OR2M3: variants seen among roughly 807,000 people sequenced by gnomAD.
OR2M3 encodes olfactory receptor family 2 subfamily M member 3, also known as olfactory receptor 2M3.
In OR2M3, 1 loss-of-function variant was observed where a neutral mutation model predicts 4.3. That is an observed-to-expected ratio of 0.23 (90% confidence interval 0.08 to 1.11). OR2M3 has a LOEUF of 1.11. Ranked by LOEUF, OR2M3 falls within the 50% of genes most tolerant of loss-of-function variation. OR2M3 has a pLI of 0.54. For missense variants in OR2M3, 410 were observed against 390.4 expected, an observed-to-expected ratio of 1.05 and a Z score of -0.42; for synonymous variants, 151 against 139.4, an observed-to-expected ratio of 1.08 and a Z score of -0.59.
At chr1:248,198,814 C>T (rs1666125854) in intron 1 of OR2M3, among the ~76,000 whole-genome samples, 2 of 152,058 alleles carry the variant, frequency 1.3e-5, no homozygotes, top group African/African-American at 4.8e-5. Context: ...TGAAATATGA[C>T]CATGAATTTC....
In OR2M3 at chr1:248,208,842, T is replaced by C. The variant is rs1666250745; in HGVS notation, c.*4836T>C. On this transcript the variant is annotated 3_prime_UTR_variant, in exon 2 of 2. Coordinates refer to ENST00000641626, the MANE Select transcript of OR2M3 (RefSeq NM_001004689.2). ...TTTGTCATGAATTTCCCAGGTGTTC[T>C]TTGAGCTTCTTGAGTTTGGATGTTT... The C allele has an allele frequency of 6.6e-6, 1 of 152,206 alleles. No individual in the cohort carries two copies. The highest frequency in any genetic ancestry group is 1.5e-5 in the Non-Finnish European group (1 of 68,038). The allele number at this position is 152,206 out of a possible 1,614,324, so 9.4% of individuals were successfully genotyped here.
rs372954267 is a variant in OR2M3, at chr1:248,203,447, G to A, written c.380G>A (p.Cys127Tyr). The change falls in exon 2 of 2, where the codon TGC (cysteine) becomes TAC (tyrosine). Residue 127 changes from cysteine (C) to tyrosine (Y), a missense_variant. Coordinates refer to ENST00000641626, the MANE Select transcript of OR2M3 (RefSeq NM_001004689.2). ...VMAYDRYTAICHPLRYTNLMS... is the reference protein window; with the variant it reads ...VMAYDRYTAIYHPLRYTNLMS... ...GCTTATGACCGCTACACTGCCATTT[G>A]CCACCCTCTAAGATACACCAATCTC... The A allele has an allele frequency of 6.2e-7, 1 of 1,613,928 alleles. No individual in the cohort carries two copies. The highest frequency in any genetic ancestry group is 8.5e-7 in the Non-Finnish European group (1 of 1,179,954).
chr1:248,202,993 T>G, intron 1 of OR2M3, 57 bp from the exon 2 acceptor site: 2 of 1,452,036 alleles, frequency 1.4e-6, no homozygotes, highest in Non-Finnish European at 1.9e-6. Context: ...AATCACATGA[T>G]TTATAAGGCA....
intron 1 of OR2M3, among the ~76,000 whole-genome samples, chr1:248,201,277 C>T (rs899050850): frequency 1.3e-5 from 2 of 151,790 alleles, no homozygotes; most frequent in Admixed American, 6.6e-5. Context: ...TTTGGATAAC[C>T]CTTTCCTGTG....
chr1:248,201,016 C>G (rs928397415), intron 1 of OR2M3, among the ~76,000 whole-genome samples: 3 of 152,040 alleles, frequency 2.0e-5, no homozygotes, highest in African/African-American at 7.2e-5. Context: ...ACATTTCTGT[C>G]TAATAAGTCT....
rs1001119110 is a variant in OR2M3, at chr1:248,205,109, A to G, written c.*1103A>G. The stretch of plus-strand genomic sequence containing the variant: ...ATCTCCTTTTGAGAATTGTCTATTC[A>G]TGTCCTAGGCCCACTTTTTGATGGG... On this transcript the variant is annotated 3_prime_UTR_variant, in exon 2 of 2. Transcript: ENST00000641626. The G allele has an allele frequency of 6.6e-6, 1 of 151,964 alleles. No homozygotes were observed. Among genetic ancestry groups the G allele is most frequent in the East Asian group, 1.9e-4 (1 of 5,190 alleles). 9.4% of individuals were successfully genotyped at this position (151,964 alleles called of 1,614,324 possible). A position where few individuals can be genotyped will look rare whatever the true frequency, so the allele number is the denominator to read the frequency against.
chr1:248,202,281 TCC>T (rs1057446411), intron 1 of OR2M3, among the ~76,000 whole-genome samples: 40 of 103,218 alleles, frequency 3.9e-4, no homozygotes, highest in African/African-American at 1.2e-3. Flanking sequence ...CACACGGTAA[TCC>T]CCAGTGTCTC....
rs748338781 is a variant in OR2M3 at position 248,204,045 on chromosome 1, C to T, written c.*39C>T. The T allele has an allele frequency of 6.2e-7, 1 of 1,602,584 alleles. No individual in the cohort carries two copies. ...CTTCATGTTTTGCTGTGTGCTAAAT[C>T]CTTTTTTTAAATGGTCCTATTTTTC... is the stretch of plus-strand genomic sequence containing the variant. On this transcript the variant is annotated 3_prime_UTR_variant, in exon 2 of 2. Coordinates refer to ENST00000641626, the MANE Select transcript of OR2M3 (RefSeq NM_001004689.2).
At position 248,208,547 on chromosome 1, in the gene OR2M3, T is replaced by G. The variant is rs1417822362; in HGVS notation, c.*4541T>G. The stretch of plus-strand genomic sequence containing the variant: ...TGAATTCTCTCAGCATTTGTTTGTC[T>G]GAAAAAGATGGTGCCTTTCCTTCAT... On this transcript the variant is annotated 3_prime_UTR_variant, in exon 2 of 2. Transcript: ENST00000641626. 1 of 152,190 alleles carries G rather than the reference T, an allele frequency of 6.6e-6. No individual in the cohort carries two copies. The highest frequency in any genetic ancestry group is 2.4e-5 in the African/African-American group (1 of 41,458). The allele number at this position is 152,190 out of a possible 1,614,324, so 9.4% of individuals were successfully genotyped here. A position where few individuals can be genotyped will look rare whatever the true frequency, so the allele number is the denominator to read the frequency against.
At position 248,209,203 on chromosome 1, in the gene OR2M3, A is replaced by G. The variant is rs1197724987; in HGVS notation, c.*5197A>G. ...TTTATTTATGCTGTTTATTTCACTG[A>G]AGAATTTTTCTTTTATTTTCTGTAT... On this transcript the variant is annotated 3_prime_UTR_variant, in exon 2 of 2. Coordinates refer to ENST00000641626, the MANE Select transcript of OR2M3 (RefSeq NM_001004689.2). 6.6e-6 allele frequency: 1 copy of G among 152,068 alleles called. No homozygotes were observed. The highest frequency in any genetic ancestry group is 2.4e-5 in the African/African-American group (1 of 41,400). 9.4% of individuals were successfully genotyped at this position (152,068 alleles called of 1,614,324 possible). A position where few individuals can be genotyped will look rare whatever the true frequency, so the allele number is the denominator to read the frequency against.
rs191037769 is a variant in OR2M3, at chr1:248,211,447, C to T, written c.*7441C>T. On this transcript the variant is annotated 3_prime_UTR_variant, in exon 2 of 2. Transcript: ENST00000641626. Reference sequence around the variant, plus strand: ...TACTTAAACATTTTATTAATAATTACAGGACTTATATTGAAATTTAGAATA... The same window carrying T: ...TACTTAAACATTTTATTAATAATTATAGGACTTATATTGAAATTTAGAATA... 36 of 151,970 alleles carry T rather than the reference C, an allele frequency of 2.4e-4. No homozygotes were observed. The highest frequency in any genetic ancestry group is 8.4e-4 in the African/African-American group (35 of 41,422). 9.4% of individuals were successfully genotyped at this position (151,970 alleles called of 1,614,324 possible). A position where few individuals can be genotyped will look rare whatever the true frequency, so the allele number is the denominator to read the frequency against.
At chr1:248,201,473 T>C (rs1666155950) in intron 1 of OR2M3, among the ~76,000 whole-genome samples, 1 of 152,098 alleles carries the variant, frequency 6.6e-6, no homozygotes, top group African/African-American at 2.4e-5. Flanking sequence ...ACTTTAAGTT[T>C]TAGGGTACAT....
intron 1 of OR2M3, among the ~76,000 whole-genome samples, chr1:248,201,714 C>T (rs1223536489): frequency 2.0e-5 from 3 of 151,232 alleles, no homozygotes; most frequent in Admixed American, 6.6e-5. Flanking sequence ...TTTGTCCTTG[C>T]GATAGTTTAC....
At position 248,212,064 on chromosome 1, in the gene OR2M3, A is replaced by G. The variant is rs570578938; in HGVS notation, c.*8058A>G. On this transcript the variant is annotated 3_prime_UTR_variant, in exon 2 of 2. Transcript: ENST00000641626. Reference sequence around the variant, plus strand: ...TTTTAAAGAAAATCATGTCCAGCATATAGATTAAGTGGTCAAATAGATATT... The same window carrying G: ...TTTTAAAGAAAATCATGTCCAGCATGTAGATTAAGTGGTCAAATAGATATT... The G allele has an allele frequency of 1.3e-5, 2 of 152,322 alleles. No individual in the cohort carries two copies. Among genetic ancestry groups the G allele is most frequent in the Admixed American group, 6.5e-5 (1 of 15,302 alleles). The allele number at this position is 152,322 out of a possible 1,614,324, so 9.4% of individuals were successfully genotyped here. A position where few individuals can be genotyped will look rare whatever the true frequency, so the allele number is the denominator to read the frequency against.
At chr1:248,197,576 G>T (rs745427199) in intron 1 of OR2M3, among the ~76,000 whole-genome samples, 25 of 152,110 alleles carry the variant, frequency 1.6e-4, no homozygotes, top group Non-Finnish European at 3.1e-4. Context: ...TGGTATTCCA[G>T]ATTTGAAAAA....
Position 248,204,007 on chromosome 1 carries a change from G to A in OR2M3, c.*1G>A, listed in dbSNP as rs200606684. 244 of 1,613,602 alleles carry A rather than the reference G, an allele frequency of 1.5e-4. 1 individual carries two copies. The highest frequency in any genetic ancestry group is 1.3e-3 in the Middle Eastern group (8 of 6,056). On this transcript the variant is annotated 3_prime_UTR_variant, in exon 2 of 2. Transcript: ENST00000641626. ...AGGAAAGGGCAAGTCTGGAGAGTGA[G>A]TTACCTAATAAACTTCATGTTTTGC...
At position 248,203,658 on chromosome 1, in the gene OR2M3, G is replaced by A. The variant is rs949127276; in HGVS notation, c.591G>A (p.Lys197=). ...GCAGTGACACATCAATATTTGAAAA[G>A]ATTCTTTTCATCTGCTGTATAGTAA... The part of the protein sequence containing the change: ...LSCSDTSIFE[K]ILFICCIVMI... The change falls in exon 2 of 2, where the codon AAG becomes AAA. Residue 197 remains lysine, a synonymous_variant. Transcript: ENST00000641626. 1 of 1,613,768 alleles carries A rather than the reference G, an allele frequency of 6.2e-7. No individual in the cohort carries two copies. Among genetic ancestry groups the A allele is most frequent in the East Asian group, 2.2e-5 (1 of 44,868 alleles).
Position 248,205,496 on chromosome 1 carries a change from A to C in OR2M3, c.*1490A>C, listed in dbSNP as rs1666214994. 6.6e-6 allele frequency: 1 copy of C among 152,066 alleles called. No individual in the cohort carries two copies. Among genetic ancestry groups the C allele is most frequent in the Admixed American group, 6.6e-5 (1 of 15,244 alleles). The allele number at this position is 152,066 out of a possible 1,614,324, so 9.4% of individuals were successfully genotyped here. A position where few individuals can be genotyped will look rare whatever the true frequency, so the allele number is the denominator to read the frequency against. On this transcript the variant is annotated 3_prime_UTR_variant, in exon 2 of 2. Coordinates refer to ENST00000641626, the MANE Select transcript of OR2M3 (RefSeq NM_001004689.2). ...AGGTGAGCGATGAGGATCCAGTTTC[A>C]TTCTTCTACATGTGGCCTGTCAGTT...
At position 248,203,370 on chromosome 1, in the gene OR2M3, T is replaced by G; in HGVS notation, c.303T>G (p.Ile101Met). ...SISMAGCATQ[I>M]FFYTSLLGSE... Reference sequence around the variant, plus strand: ...CTATGGCTGGTTGTGCCACACAAATTTTCTTCTATACATCACTGCTTGGCT... The same window carrying G: ...CTATGGCTGGTTGTGCCACACAAATGTTCTTCTATACATCACTGCTTGGCT... The change falls in exon 2 of 2, where the codon ATT becomes ATG. Residue 101 changes from isoleucine to methionine, a missense_variant. Ile to Met is a conservative substitution (Grantham distance 10). Transcript: ENST00000641626. 1.9e-6 allele frequency: 3 copies of G among 1,614,058 alleles called. No individual in the cohort carries two copies. Among genetic ancestry groups the G allele is most frequent in the Non-Finnish European group, 2.5e-6 (3 of 1,179,988 alleles).
Sources: allele counts gnomAD v4.1 joint callset (sites outside exome capture counted in the v4.1 genomes callset), GRCh38; gene constraint gnomAD v4.1.1; transcripts MANE v1.5; gene names NCBI Gene and HGNC (gene_info 2026-07-23, HGNC 2026-07-21).